Variants in CTNNA2 observed in about 807,000 individuals in gnomAD.
CTNNA2 encodes catenin alpha 2.
In CTNNA2, 42 loss-of-function variants were observed where a neutral mutation model predicts 101.0. That is an observed-to-expected ratio of 0.42 (90% CI 0.32 to 0.54). CTNNA2 has a LOEUF of 0.54. Ranked by LOEUF, CTNNA2 falls within the 20% of genes least tolerant of loss-of-function variation. CTNNA2 has a pLI of 0.14. For synonymous variants in CTNNA2, 450 were observed against 456.4 expected, an observed-to-expected ratio of 0.99 and a Z score of 0.18; for missense variants, 871 against 1,223.1, an observed-to-expected ratio of 0.71 and a Z score of 4.29.
At chr2:80,120,807 G>A (rs1558827634) in intron 7 of CTNNA2, among the ~76,000 whole-genome samples, 1 of 152,142 alleles carries the variant, frequency 6.6e-6, no homozygotes. Flanking sequence ...TAATCTGATT[G>A]CAGTTGGTTG....
intron 7 of CTNNA2, among the ~76,000 whole-genome samples, chr2:80,073,888 T>C (rs1357576175): frequency 1.3e-5 from 2 of 152,200 alleles, no homozygotes; most frequent in East Asian, 1.9e-4. Context: ...TGGCTGCATA[T>C]TGTTCCATCA....
chr2:79,736,536 T>G (rs76198040), intron 2 of CTNNA2, among the ~76,000 whole-genome samples: 4,681 of 152,306 alleles, frequency 0.031, 185 homozygotes, highest in African/African-American at 0.092. Context: ...TTACACTAGT[T>G]TTCCTCTTTC....
At chr2:79,784,761 TATATA>T (rs144147573) in intron 3 of CTNNA2, among the ~76,000 whole-genome samples, 4,927 of 64,876 alleles carry the variant, frequency 0.076, 111 homozygotes, top group South Asian at 0.22. Context: ...GAGAATGAAA[TATATA>T]TATATATATA....
chr2:79,502,073 C>T (rs1671326368), intron 4 of CTNNA2, among the ~76,000 whole-genome samples: 1 of 151,488 alleles, frequency 6.6e-6, no homozygotes, highest in Non-Finnish European at 1.5e-5. Context: ...TGCTTCACTG[C>T]CTTCAAAACT....
At chr2:79,491,578 G>A (rs1433172777) in intron 4 of CTNNA2, among the ~76,000 whole-genome samples, 1 of 152,156 alleles carries the variant, frequency 6.6e-6, no homozygotes, top group East Asian at 1.9e-4. Context: ...AGGGTCCAGA[G>A]GAAAGCTTCT....
intron 7 of CTNNA2, among the ~76,000 whole-genome samples, chr2:80,205,735 C>A (rs1241382271): frequency 3.3e-5 from 5 of 152,142 alleles, no homozygotes; most frequent in Non-Finnish European, 7.4e-5. Flanking sequence ...TATTGAAACT[C>A]TTCTGTATGT....
At chr2:79,530,599 A>T (rs916868899) in intron 1 of CTNNA2, among the ~76,000 whole-genome samples, 1 of 152,132 alleles carries the variant, frequency 6.6e-6, no homozygotes. Flanking sequence ...TGCATAGATC[A>T]GAGAGGTTAA....
intron 7 of CTNNA2, among the ~76,000 whole-genome samples, chr2:79,934,382 T>G (rs116693547): frequency 0.011 from 1,729 of 152,370 alleles, 16 homozygotes; most frequent in Middle Eastern, 0.031. Flanking sequence ...TGCCTACTTT[T>G]AAAATCATGT....
chr2:80,575,103 T>C (rs1694926139), intron 13 of CTNNA2: 1 of 152,214 alleles, frequency 6.6e-6, no homozygotes, highest in Admixed American at 6.5e-5. Flanking sequence ...CATAGTAATG[T>C]CCAAACATAT....
At chr2:79,547,580 C>A (rs966973509) in intron 1 of CTNNA2, 7 of 152,164 alleles carry the variant, frequency 4.6e-5, no homozygotes, top group African/African-American at 1.4e-4. Flanking sequence ...TGTGAATTAT[C>A]TGATGCATAA....
At chr2:80,563,700 T>C (rs995614356) in intron 12 of CTNNA2, among the ~76,000 whole-genome samples, 4 of 152,150 alleles carry the variant, frequency 2.6e-5, no homozygotes, top group African/African-American at 7.2e-5. Flanking sequence ...TTCTGTATTT[T>C]ACCTTTCCTC....
At chr2:79,565,237 A>G (rs1354975927) in intron 1 of CTNNA2, among the ~76,000 whole-genome samples, 1 of 117,398 alleles carries the variant, frequency 8.5e-6, no homozygotes, top group Non-Finnish European at 1.8e-5. Context: ...AATTGAATTT[A>G]TTGGGTGAAA....
At chr2:79,717,541 G>C (rs759506642) in intron 2 of CTNNA2, among the ~76,000 whole-genome samples, 6 of 152,126 alleles carry the variant, frequency 3.9e-5, no homozygotes, top group Non-Finnish European at 8.8e-5. Context: ...GGGATTCCTA[G>C]GTGGCTGGAG....
chr2:80,194,329 C>T (rs920835895), intron 7 of CTNNA2, among the ~76,000 whole-genome samples: 23 of 152,224 alleles, frequency 1.5e-4, no homozygotes, highest in African/African-American at 4.8e-4. Flanking sequence ...GCAGTGATAC[C>T]GTGGATGGTA....
chr2:79,575,016 T>G (rs939087798), intron 1 of CTNNA2, among the ~76,000 whole-genome samples: 1 of 152,198 alleles, frequency 6.6e-6, no homozygotes, highest in African/African-American at 2.4e-5. Context: ...ATGTCTTCTT[T>G]TGAAAAGCGT....
intron 7 of CTNNA2, among the ~76,000 whole-genome samples, chr2:80,204,599 G>A (rs1254173340): frequency 1.3e-5 from 2 of 152,084 alleles, no homozygotes; most frequent in South Asian, 4.2e-4. Context: ...AGCATTTTTT[G>A]TCAAAGACAT....
At chr2:79,307,953 C>T (rs905962132) in intron 2 of CTNNA2, among the ~76,000 whole-genome samples, 6 of 152,036 alleles carry the variant, frequency 3.9e-5, no homozygotes, top group African/African-American at 1.2e-4. Flanking sequence ...ATTTTCATTT[C>T]TCTGATGATT....
At chr2:79,846,356 G>A (rs1256630085) in intron 3 of CTNNA2, among the ~76,000 whole-genome samples, 1 of 152,144 alleles carries the variant, frequency 6.6e-6, no homozygotes, top group Non-Finnish European at 1.5e-5. Context: ...TCTATAAGAT[G>A]CAAATTATAA....
rs1174776787 is a variant in CTNNA2, at chr2:79,469,069, C to A, written c.-134-35985C>A. Among the ~76,000 whole-genome samples, 3 of 151,952 alleles carry A rather than the reference C, an allele frequency of 2.0e-5. No homozygotes were observed. In the East Asian group the frequency reaches 5.8e-4, roughly 29 times the overall value. ...GGAGACAGAGACACAAAAAACCCTT[C>A]AAAAATCAATGAATCCAGGAGCTGG... is the stretch of plus-strand genomic sequence containing the variant. On this transcript the variant is annotated intron_variant, in intron 4 of 21. Coordinates refer to the CTNNA2 transcript ENST00000466387.
Sources: allele counts gnomAD v4.1 joint callset (sites outside exome capture counted in the v4.1 genomes callset), GRCh38; gene constraint gnomAD v4.1.1; transcripts MANE v1.5; gene names NCBI Gene and HGNC (gene_info 2026-07-23, HGNC 2026-07-21).